Variants in EDIL3 observed in about 807,000 individuals in gnomAD.
EDIL3 encodes the protein EGF-like repeat and discoidin I-like domain-containing protein 3.
A neutral mutation model predicts 67.4 loss-of-function variants in EDIL3; 37 were observed. That is an observed-to-expected ratio of 0.55 (90% CI 0.42 to 0.72). The LOEUF is 0.72. EDIL3 is among the 30% of genes least tolerant of loss of function. EDIL3 has a pLI of 0.00. For synonymous variants in EDIL3, 195 were observed against 196.3 expected (o/e 0.99, Z 0.05); for missense variants, 527 against 586.3 (o/e 0.90, Z 1.04).
At chr5:84,279,906 T>A (rs1047541990) in intron 1 of EDIL3, among the ~76,000 whole-genome samples, 1 of 152,224 alleles carries the variant, frequency 6.6e-6, no homozygotes, top group Non-Finnish European at 1.5e-5. Flanking sequence ...CACCCAGTAC[T>A]TAATCCCTGG....
At chr5:84,054,338 T>C (rs896429907) in intron 9 of EDIL3, among the ~76,000 whole-genome samples, 63 of 152,150 alleles carry the variant, frequency 4.1e-4, no homozygotes, top group African/African-American at 1.5e-3. Flanking sequence ...TATGACAAAC[T>C]CACAGCCAAT....
intron 1 of EDIL3, among the ~76,000 whole-genome samples, chr5:84,289,162 CAA>C (rs965130061): frequency 9.4e-4 from 143 of 152,170 alleles, no homozygotes; most frequent in African/African-American, 3.4e-3. Context: ...AACAAACAAA[CAA>C]ATAAATAAGT....
At chr5:84,247,661 A>G (rs1354611168) in intron 2 of EDIL3, among the ~76,000 whole-genome samples, 1 of 152,138 alleles carries the variant, frequency 6.6e-6, no homozygotes, top group Non-Finnish European at 1.5e-5. Flanking sequence ...AAGGGATATC[A>G]TTACCAAAGG....
chr5:84,193,112 A>T (rs1743625734), intron 3 of EDIL3, among the ~76,000 whole-genome samples: 1 of 152,016 alleles, frequency 6.6e-6, no homozygotes, highest in African/African-American at 2.4e-5. Flanking sequence ...AAAACAAAAC[A>T]AAACAGCTTT....
At chr5:84,294,726 A>C (rs1024105965) in intron 1 of EDIL3, among the ~76,000 whole-genome samples, 1 of 152,212 alleles carries the variant, frequency 6.6e-6, no homozygotes, top group Non-Finnish European at 1.5e-5. Context: ...GCCAACATTT[A>C]CTAGTTAATC....
intron 9 of EDIL3, among the ~76,000 whole-genome samples, chr5:84,007,439 T>C (rs1745438635): frequency 6.6e-6 from 1 of 152,004 alleles, no homozygotes; most frequent in Admixed American, 6.6e-5. Flanking sequence ...AAAAACCTAA[T>C]AATCTGATCA....
chr5:84,062,782 A>C (rs1463760345), intron 8 of EDIL3, among the ~76,000 whole-genome samples: 1 of 152,060 alleles, frequency 6.6e-6, no homozygotes, highest in Non-Finnish European at 1.5e-5. Context: ...GGTACATTAC[A>C]TTAGTGTTTA....
chr5:84,382,126 G>A lies in EDIL3; in HGVS notation c.67+2182C>T, dbSNP rs190052212. On this transcript the variant is annotated intron_variant, in intron 1 of 10. Transcript: ENST00000296591. ...AGAGGTGCAAGTTTTAACAGAAAGG[G>A]CTAATGCAAAATGGTCTATTTATTT... Among the ~76,000 whole-genome samples the A allele has an allele frequency of 8.4e-3, 1,279 of 152,310 alleles. 9 individuals are homozygous for A. Among genetic ancestry groups the A allele is most frequent in the South Asian group, 0.018 (89 of 4,828 alleles).
intron 1 of EDIL3, among the ~76,000 whole-genome samples, chr5:84,308,186 T>C (rs1006988218): frequency 6.6e-6 from 1 of 152,160 alleles, no homozygotes; most frequent in East Asian, 1.9e-4. Flanking sequence ...AGAATCGATA[T>C]GATCTAGTGG....
At chr5:84,029,295 T>C (rs1745875192) in intron 9 of EDIL3, among the ~76,000 whole-genome samples, 1 of 152,016 alleles carries the variant, frequency 6.6e-6, no homozygotes, top group African/African-American at 2.4e-5. Flanking sequence ...AAAGAGGAGT[T>C]CCTCTGCACA....
chr5:84,203,416 C>G (rs1476173926), intron 3 of EDIL3, among the ~76,000 whole-genome samples: 1 of 152,006 alleles, frequency 6.6e-6, no homozygotes, highest in Non-Finnish European at 1.5e-5. Context: ...TGAATGAACC[C>G]CTTAACAGGA....
chr5:84,020,350 T>G (rs575819492), intron 9 of EDIL3, among the ~76,000 whole-genome samples: 45 of 152,192 alleles, frequency 3.0e-4, no homozygotes, highest in African/African-American at 1.1e-3. Flanking sequence ...TATGGGCCTT[T>G]TCTCCAGAGA....
intron 10 of EDIL3, among the ~76,000 whole-genome samples, chr5:83,962,535 T>C (rs576923798): frequency 1.1e-4 from 17 of 151,670 alleles, no homozygotes; most frequent in African/African-American, 4.1e-4. Context: ...TTAAAAAAGA[T>C]AAAAATTGTA....
rs1466149222 is a variant in EDIL3 at position 84,051,785 on chromosome 5, G to T, written c.1137+8515C>A. On this transcript the variant is annotated intron_variant, in intron 9 of 10. Transcript: ENST00000296591. The stretch of plus-strand genomic sequence containing the variant: ...AAAAGAATAAAAAGAAACGAACAAA[G>T]CCTCCAAGAAATATGGGACTATGTG... 2.6e-5 allele frequency among the ~76,000 whole-genome samples: 4 copies of T among 152,150 alleles called. No homozygotes were observed. In the South Asian group the frequency reaches 8.3e-4, roughly 32 times the overall value.
At chr5:83,968,277 A>ATCAGAACT (rs1421520037) in intron 9 of EDIL3, among the ~76,000 whole-genome samples, 2 of 152,086 alleles carry the variant, frequency 1.3e-5, no homozygotes, top group African/African-American at 4.8e-5. Context: ...TTCTGATCTA[A>ATCAGAACT]AGTTTGGAAT....
At chr5:84,371,286 C>T (rs886669550) in intron 1 of EDIL3, among the ~76,000 whole-genome samples, 5 of 124,778 alleles carry the variant, frequency 4.0e-5, no homozygotes, top group African/African-American at 5.7e-5. Context: ...AGAAAATCTG[C>T]AACATATAGC....
chr5:84,108,478 CT>C (rs1248152387), intron 5 of EDIL3, among the ~76,000 whole-genome samples: 1 of 152,020 alleles, frequency 6.6e-6, no homozygotes, highest in Non-Finnish European at 1.5e-5. Flanking sequence ...TACTATATCA[CT>C]TTAGAATCAT....
At chr5:84,366,141 AAAAT>A (rs1747729241) in intron 1 of EDIL3, among the ~76,000 whole-genome samples, 1 of 152,152 alleles carries the variant, frequency 6.6e-6, no homozygotes, top group Non-Finnish European at 1.5e-5. Context: ...TATATAAAAT[AAAAT>A]AAAGAAAAAC....
chr5:84,199,295 T>C (rs1436082235), intron 3 of EDIL3, among the ~76,000 whole-genome samples: 1 of 152,024 alleles, frequency 6.6e-6, no homozygotes, highest in Non-Finnish European at 1.5e-5. Flanking sequence ...GGATGCAGGA[T>C]GGAAAATATT....
Sources: gnomAD v4.1 joint callset for allele counts (sites outside exome capture counted in the v4.1 genomes callset) on GRCh38, gnomAD v4.1.1 for gene constraint, MANE v1.5 for transcripts, NCBI Gene and HGNC (gene_info 2026-07-23, HGNC 2026-07-21) for gene names.